SRSF8: variants seen among roughly 807,000 people sequenced by gnomAD.
The protein encoded by SRSF8 is serine/arginine-rich splicing factor 8.
A neutral mutation model predicts 2.0 loss-of-function variants in SRSF8; 3 were observed. The observed-to-expected ratio is 1.47, with a 90% CI of 0.67 to 3.79. The LOEUF is 3.79. Ranked by LOEUF, SRSF8 falls within the 30% of genes most tolerant of loss-of-function variation. SRSF8 has a pLI of 0.02. For missense variants in SRSF8, 408 were observed against 410.9 expected (o/e 0.99, Z 0.06); for synonymous variants, 162 against 170.7 (o/e 0.95, Z 0.40).
Position 95,068,203 on chromosome 11 carries a change from C to A in SRSF8, c.*128C>A, listed in dbSNP as rs1652383895. The A allele has an allele frequency of 3.1e-6, 3 of 979,804 alleles. No individual in the cohort carries two copies. Among genetic ancestry groups the A allele is most frequent in the South Asian group, 1.8e-5 (1 of 55,514 alleles). 60.7% of individuals were successfully genotyped at this position (979,804 alleles called of 1,614,324 possible). A position where few individuals can be genotyped will look rare whatever the true frequency, so the allele number is the denominator to read the frequency against. On this transcript the variant is annotated 3_prime_UTR_variant, in exon 1 of 1. Coordinates refer to ENST00000587424, the MANE Select transcript of SRSF8 (RefSeq NM_032102.4). ...GAAAAGGTTGTGTCACACTTTTCTA[C>A]CTTTTTGCCAGTTTGAAGCTTTGCA...
chr11:95,067,131 T>C lies in SRSF8; in HGVS notation c.-96T>C. On this transcript the variant is annotated 5_prime_UTR_variant, in exon 1 of 1. Transcript: ENST00000587424. ...CCTCTCCGCCCGGCCTTTCCCGGCG[T>C]CCCCACGCGGGGCGCAACCGCGAGA... The C allele has an allele frequency of 8.2e-7, 1 of 1,221,674 alleles. No individual in the cohort carries two copies. Among genetic ancestry groups the C allele is most frequent in the African/African-American group, 1.6e-5 (1 of 62,588 alleles). The allele number at this position is 1,221,674 out of a possible 1,614,324, so 75.7% of individuals were successfully genotyped here.
rs542506117 is a variant in SRSF8, at chr11:95,068,058, G to A, written c.832G>A (p.Gly278Arg). The A allele has an allele frequency of 1.8e-5, 29 of 1,610,554 alleles. No individual in the cohort carries two copies. The South Asian group carries it at 2.9e-4, about 16-fold the overall frequency. Residue 278 changes from glycine to arginine, a missense_variant, in exon 1 of 1, where the codon GGA becomes AGA. Physicochemically the swap from Gly to Arg is moderately radical, Grantham distance 125 (BLOSUM62 -2). Transcript: ENST00000587424. Reference sequence around the variant, plus strand: ...GCCCCCCAAGTCTCCTGAAGAGGAAGGACAGATGTCCTCTTAAGAAAATGA... The same window carrying A: ...GCCCCCCAAGTCTCCTGAAGAGGAAAGACAGATGTCCTCTTAAGAAAATGA... Reference protein sequence around the residue: ...KRPPKSPEEEGQMSS With the variant: ...KRPPKSPEEERQMSS
chr11:95,067,320 C>A lies in SRSF8; in HGVS notation c.94C>A (p.Arg32Ser), dbSNP rs782400894. The A allele has an allele frequency of 1.9e-6, 3 of 1,603,618 alleles. No individual in the cohort carries two copies. The highest frequency in any genetic ancestry group is 2.5e-6 in the Non-Finnish European group (3 of 1,176,820). ...TYRTSPDSLR[R>S]VFEKYGRVGD... ...CCGCACCTCTCCCGACAGCTTGAGG[C>A]GCGTGTTCGAGAAGTACGGGCGCGT... Residue 32 changes from arginine to serine, a missense_variant, in exon 1 of 1, where the codon CGC becomes AGC. Around this residue, in one of 2 missense-constraint regions of SRSF8, gnomAD observed 62 missense variants for 94.4 expected, o/e 0.66. Coordinates refer to ENST00000587424, the MANE Select transcript of SRSF8 (RefSeq NM_032102.4).
Sources: gnomAD v4.1 joint callset for allele counts on GRCh38, gnomAD v4.1.1 for gene constraint, gnomAD v4.1.1 regional missense constraint, MANE v1.5 for transcripts, NCBI Gene and HGNC (gene_info 2026-07-23, HGNC 2026-07-21) for gene names.